The following FBXO15 variants were observed in gnomAD, a reference collection of about 807,000 sequenced individuals.
The protein encoded by FBXO15 is F-box protein 15, also known as F-box only protein 15.
Under a neutral mutation model 49.5 loss-of-function variants are expected in FBXO15, and 30 were observed. That is an observed-to-expected ratio of 0.61 (90% CI 0.45 to 0.82). The LOEUF is 0.82. Ranked by LOEUF, FBXO15 falls within the 40% of genes least tolerant of loss-of-function variation. The pLI is 0.00. For synonymous variants in FBXO15, 250 were observed against 232.7 expected, an observed-to-expected ratio of 1.07 and a Z score of -0.68; for missense variants, 591 against 631.5, an observed-to-expected ratio of 0.94 and a Z score of 0.69.
chr18:74,144,410 G>A (rs1404621176), intron 1 of FBXO15, among the ~76,000 whole-genome samples: 1 of 151,986 alleles, frequency 6.6e-6, no homozygotes, highest in African/African-American at 2.4e-5. Flanking sequence ...GGGTGGGGGT[G>A]TTGTTTTAAT....
intron 9 of FBXO15, among the ~76,000 whole-genome samples, chr18:74,077,266 G>A (rs1912293085): frequency 1.3e-5 from 2 of 152,206 alleles, no homozygotes; most frequent in African/African-American, 4.8e-5. Flanking sequence ...GAGTAGTGAT[G>A]GAGGTGCTGG....
At chr18:74,108,206 C>G (rs970207492) in intron 8 of FBXO15, among the ~76,000 whole-genome samples, 5 of 152,116 alleles carry the variant, frequency 3.3e-5, no homozygotes, top group African/African-American at 1.2e-4. Flanking sequence ...GAACCAGACT[C>G]AGCTGTGACA....
intron 1 of FBXO15, among the ~76,000 whole-genome samples, chr18:74,142,374 T>C (rs1037813026): frequency 2.6e-5 from 4 of 152,230 alleles, no homozygotes; most frequent in African/African-American, 7.2e-5. Context: ...AACATAGTAA[T>C]CATAAGTAAA....
chr18:74,130,779 T>A lies in FBXO15; in HGVS notation c.333-121A>T, dbSNP rs1330338174. On this transcript the variant is annotated intron_variant, in intron 3 of 9. Coordinates refer to ENST00000419743, the MANE Select transcript of FBXO15 (RefSeq NM_001142958.2). ...AATTCCATGAATAAGCCAAGCTGAA[T>A]ATTTACAGTTGAACGTTCATCTGTT... 3.7e-6 allele frequency: 4 copies of A among 1,094,818 alleles called. No individual in the cohort carries two copies. In the African/African-American group the frequency reaches 6.4e-5, roughly 17 times the overall value. 67.8% of individuals were successfully genotyped at this position (1,094,818 alleles called of 1,614,324 possible). A position where few individuals can be genotyped will look rare whatever the true frequency, so the allele number is the denominator to read the frequency against.
intron 3 of FBXO15, among the ~76,000 whole-genome samples, chr18:74,134,912 G>A (rs183938400): frequency 6.6e-6 from 1 of 152,050 alleles, no homozygotes; most frequent in African/African-American, 2.4e-5. Flanking sequence ...GTTAAAACCG[G>A]CATTCCCTCT....
In FBXO15 at chr18:74,081,847, T is replaced by C. The variant is rs1912509849; in HGVS notation, c.1263+80A>G. 6.2e-6 allele frequency: 6 copies of C among 961,188 alleles called. No homozygotes were observed. In the East Asian group the frequency reaches 1.4e-4, roughly 22 times the overall value. The allele number at this position is 961,188 out of a possible 1,614,324, so 59.5% of individuals were successfully genotyped here. A position where few individuals can be genotyped will look rare whatever the true frequency, so the allele number is the denominator to read the frequency against. On this transcript the variant is annotated intron_variant, in intron 9 of 9. Transcript: ENST00000419743. ...AAGAAACATCATACATATATGACAA[T>C]ATAATTTATATATATAAACAGACTT...
rs183592963 is a variant in FBXO15 at position 74,127,430 on chromosome 18, G to A, written c.786-1329C>T. Reference sequence around the variant, plus strand: ...TGGCAAGGAAGAAAATTTGGAGTCTGACTAGAAAGGTATAAATTACAGGGA... The same window carrying A: ...TGGCAAGGAAGAAAATTTGGAGTCTAACTAGAAAGGTATAAATTACAGGGA... On this transcript the variant is annotated intron_variant, in intron 5 of 9. Coordinates refer to ENST00000419743, the MANE Select transcript of FBXO15 (RefSeq NM_001142958.2). 2.6e-5 allele frequency among the ~76,000 whole-genome samples: 4 copies of A among 152,316 alleles called. No homozygotes were observed. The East Asian group carries it at 7.7e-4, about 29-fold the overall frequency.
At chr18:74,090,436 C>T (rs902533640) in intron 8 of FBXO15, among the ~76,000 whole-genome samples, 1 of 152,042 alleles carries the variant, frequency 6.6e-6, no homozygotes, top group African/African-American at 2.4e-5. Context: ...TATCTCTTGT[C>T]TTCTGCTAAC....
intron 1 of FBXO15, among the ~76,000 whole-genome samples, chr18:74,142,635 T>C (rs1442399796): frequency 6.6e-6 from 1 of 152,108 alleles, no homozygotes; most frequent in Non-Finnish European, 1.5e-5. Context: ...CAATCTTCCC[T>C]CTAGGCATAT....
intron 3 of FBXO15, among the ~76,000 whole-genome samples, chr18:74,132,697 G>A (rs1978469273): frequency 6.6e-6 from 1 of 152,208 alleles, no homozygotes; most frequent in Non-Finnish European, 1.5e-5. Flanking sequence ...GGCCTAGTCA[G>A]ATTCGAGGAC....
chr18:74,119,075 C>A (rs1914365505), intron 8 of FBXO15, among the ~76,000 whole-genome samples: 1 of 152,198 alleles, frequency 6.6e-6, no homozygotes. Flanking sequence ...GAGGGCAGGG[C>A]TTCCCACTCC....
intron 8 of FBXO15, among the ~76,000 whole-genome samples, chr18:74,115,868 A>G (rs1914210872): frequency 6.6e-6 from 1 of 152,212 alleles, no homozygotes; most frequent in Non-Finnish European, 1.5e-5. Context: ...AAGATGTGAA[A>G]GATGTTTTGC....
At chr18:74,083,380 C>T (rs1048343884) in intron 8 of FBXO15, among the ~76,000 whole-genome samples, 6 of 152,188 alleles carry the variant, frequency 3.9e-5, no homozygotes, top group Admixed American at 6.5e-5. Context: ...GTATGAAAAG[C>T]GAGGCCTCAG....
intron 8 of FBXO15, among the ~76,000 whole-genome samples, chr18:74,111,636 T>C (rs1402963966): frequency 2.0e-5 from 3 of 150,722 alleles, no homozygotes; most frequent in Admixed American, 1.3e-4. Flanking sequence ...ACTAGAAAAA[T>C]GTGAGCAAAT....
chr18:74,098,408 G>C (rs1387043307), intron 8 of FBXO15: 2 of 152,104 alleles, frequency 1.3e-5, no homozygotes, highest in Non-Finnish European at 2.9e-5. Context: ...GTGAAATTGA[G>C]AGCATAAATA....
intron 3 of FBXO15, among the ~76,000 whole-genome samples, chr18:74,131,939 C>T: frequency 6.6e-6 from 1 of 152,150 alleles, no homozygotes; most frequent in Non-Finnish European, 1.5e-5. Flanking sequence ...AGGACCATTT[C>T]TCAAACACGT....
chr18:74,145,942 G>A (rs1212102979), intron 1 of FBXO15, among the ~76,000 whole-genome samples: 1 of 152,130 alleles, frequency 6.6e-6, no homozygotes, highest in Non-Finnish European at 1.5e-5. Flanking sequence ...AAATCAGCAA[G>A]TTCTATTTAT....
intron 8 of FBXO15, among the ~76,000 whole-genome samples, chr18:74,110,485 T>A (rs1382927484): frequency 1.3e-5 from 2 of 151,570 alleles, no homozygotes; most frequent in African/African-American, 4.8e-5. Context: ...AAGCATAGAA[T>A]ACATAAACAG....
intron 8 of FBXO15, among the ~76,000 whole-genome samples, chr18:74,117,264 A>T (rs960343559): frequency 6.6e-6 from 1 of 152,086 alleles, no homozygotes; most frequent in Non-Finnish European, 1.5e-5. Context: ...TACTGGGGGG[A>T]AAATCACAAA....
Sources: gnomAD v4.1 joint callset for allele counts (sites outside exome capture counted in the v4.1 genomes callset) on GRCh38, gnomAD v4.1.1 for gene constraint, MANE v1.5 for transcripts, NCBI Gene and HGNC (gene_info 2026-07-23, HGNC 2026-07-21) for gene names.